MMP26: variants seen among roughly 807,000 people sequenced by gnomAD.
The protein encoded by MMP26 is matrix metalloproteinase-26.
In MMP26, 33 loss-of-function variants were observed where a neutral mutation model predicts 31.0. The ratio of observed to expected loss-of-function variants is 1.06; its 90% CI spans 0.81 to 1.42. MMP26 has a LOEUF of 1.42. Ranked by LOEUF, MMP26 falls within the 40% of genes most tolerant of loss-of-function variation. The pLI, the probability that MMP26 is intolerant of heterozygous loss-of-function variation, is 0.00. For missense variants in MMP26, 347 were observed against 316.1 expected (o/e 1.10, Z -0.74); for synonymous variants, 122 against 114.9 (o/e 1.06, Z -0.40).
At chr11:4,714,920 TCACA>T (rs66913726) in intron 1 of MMP26, among the ~76,000 whole-genome samples, 19,844 of 141,320 alleles carry the variant, frequency 0.14, 1,588 homozygotes, top group Middle Eastern at 0.23. Context: ...TCTCTCTCTC[TCACA>T]CACACACACA....
chr11:4,885,194 A>G (rs1850531295), intron 2 of MMP26, among the ~76,000 whole-genome samples: 1 of 152,144 alleles, frequency 6.6e-6, no homozygotes, highest in South Asian at 2.1e-4. Context: ...AATGTATTTT[A>G]TATATTTGGA....
At chr11:4,970,725 C>T (rs932609069) in intron 2 of MMP26, among the ~76,000 whole-genome samples, 7 of 152,100 alleles carry the variant, frequency 4.6e-5, no homozygotes, top group Admixed American at 4.6e-4. Flanking sequence ...GTCCTTGAAC[C>T]CTTGGGAGTG....
intron 2 of MMP26, among the ~76,000 whole-genome samples, chr11:4,890,933 T>A (rs1850609542): frequency 6.7e-6 from 1 of 149,574 alleles, no homozygotes; most frequent in Non-Finnish European, 1.5e-5. Flanking sequence ...TTGTATAGAG[T>A]CAGAATGGAC....
At chr11:4,944,147 C>T in intron 2 of MMP26, 1 of 454,602 alleles carries the variant, frequency 2.2e-6, no homozygotes, top group Non-Finnish European at 4.4e-6. Flanking sequence ...TTATGCACCT[C>T]AAACATAGGA....
chr11:4,804,450 G>T lies in MMP26; in HGVS notation c.-145+37109G>T, dbSNP rs776757410. 2.8e-5 allele frequency: 34 copies of T among 1,216,368 alleles called. No individual in the cohort carries two copies. The South Asian group carries it at 3.8e-4, about 13-fold the overall frequency. The allele number at this position is 1,216,368 out of a possible 1,614,324, so 75.3% of individuals were successfully genotyped here. Reference sequence around the variant, plus strand: ...GCAGATGATAACAATCAAAACAAGTGTTATTATTATATACAAGGCTTTTGG... The same window carrying T: ...GCAGATGATAACAATCAAAACAAGTTTTATTATTATATACAAGGCTTTTGG... On this transcript the variant is annotated intron_variant, in intron 2 of 7. Coordinates refer to ENST00000380390, the MANE Select transcript of MMP26 (RefSeq NM_021801.5).
At chr11:4,778,668 T>C (rs1848820292) in intron 2 of MMP26, among the ~76,000 whole-genome samples, 1 of 152,070 alleles carries the variant, frequency 6.6e-6, no homozygotes, top group African/African-American at 2.4e-5. Context: ...AAAATGTTGA[T>C]TTGGGATTAC....
intron 1 of MMP26, among the ~76,000 whole-genome samples, chr11:4,706,685 A>G (rs1266562634): frequency 6.6e-6 from 1 of 152,158 alleles, no homozygotes; most frequent in Non-Finnish European, 1.5e-5. Flanking sequence ...TGTTAACTAT[A>G]AGTAAAATGT....
At position 4,811,035 on chromosome 11, in the gene MMP26, A is replaced by G. The variant is rs992371855; in HGVS notation, c.-145+43694A>G. On this transcript the variant is annotated intron_variant, in intron 2 of 7. Coordinates refer to ENST00000380390, the MANE Select transcript of MMP26 (RefSeq NM_021801.5). ...GATAGATGGTAATGATCAAGGTCACAAAGGTCATCATTTTTCATCTATCAG... is the reference window on the plus strand; with the variant it reads ...GATAGATGGTAATGATCAAGGTCACGAAGGTCATCATTTTTCATCTATCAG... Among the ~76,000 whole-genome samples the G allele has an allele frequency of 2.0e-5, 3 of 152,320 alleles. No homozygotes were observed. The East Asian group carries it at 5.8e-4, about 29-fold the overall frequency.
At chr11:4,833,701 C>T (rs761157690) in intron 2 of MMP26, among the ~76,000 whole-genome samples, 4 of 152,102 alleles carry the variant, frequency 2.6e-5, no homozygotes, top group Non-Finnish European at 5.9e-5. Context: ...TTAAGGAACA[C>T]TTTTCTTGGG....
chr11:4,771,719 G>C (rs866646681), intron 2 of MMP26, among the ~76,000 whole-genome samples: 1 of 152,138 alleles, frequency 6.6e-6, no homozygotes, highest in Admixed American at 6.6e-5. Context: ...ACAAGTTACT[G>C]TTCCCTTTAT....
chr11:4,855,282 G>T (rs1034717632), intron 2 of MMP26, among the ~76,000 whole-genome samples: 1 of 152,140 alleles, frequency 6.6e-6, no homozygotes, highest in Non-Finnish European at 1.5e-5. Context: ...TGAGCTAAAG[G>T]AGGATGTTTG....
intron 2 of MMP26, chr11:4,915,122 T>C: frequency 6.2e-7 from 1 of 1,613,980 alleles, no homozygotes; most frequent in Non-Finnish European, 8.5e-7. Context: ...ACAATAAGAA[T>C]GTGAGAGAAC....
chr11:4,854,804 A>T (rs1336391874), intron 2 of MMP26, among the ~76,000 whole-genome samples: 1 of 152,204 alleles, frequency 6.6e-6, no homozygotes, highest in Non-Finnish European at 1.5e-5. Context: ...TAACTGGGAG[A>T]CATCCCCCAG....
intron 2 of MMP26, among the ~76,000 whole-genome samples, chr11:4,917,596 T>G (rs1045132137): frequency 6.6e-6 from 1 of 152,204 alleles, no homozygotes. Context: ...GAAGATCATA[T>G]AGGCTCTCAC....
chr11:4,904,039 A>G (rs188162991), intron 2 of MMP26, among the ~76,000 whole-genome samples: 6 of 152,218 alleles, frequency 3.9e-5, no homozygotes, highest in Admixed American at 1.3e-4. Flanking sequence ...AATAAAAGCA[A>G]GCCTTATTGT....
chr11:4,917,967 A>G (rs1052607431), intron 2 of MMP26, among the ~76,000 whole-genome samples: 4 of 150,934 alleles, frequency 2.7e-5, no homozygotes, highest in African/African-American at 9.7e-5. Flanking sequence ...GGCGGAAAAT[A>G]TTTTTGACAT....
intron 2 of MMP26, among the ~76,000 whole-genome samples, chr11:4,971,003 C>G (rs1036730597): frequency 1.3e-5 from 2 of 152,122 alleles, no homozygotes; most frequent in Non-Finnish European, 1.5e-5. Flanking sequence ...TTTCAATTGA[C>G]TGAGAAATTC....
At chr11:4,803,909 A>T (rs1849223116) in intron 2 of MMP26, 1 of 1,613,058 alleles carries the variant, frequency 6.2e-7, no homozygotes, top group African/African-American at 1.3e-5. Flanking sequence ...GGGCTCACCC[A>T]CAGCAGCCCT....
At chr11:4,850,675 T>G (rs1849962673) in intron 2 of MMP26, among the ~76,000 whole-genome samples, 1 of 151,960 alleles carries the variant, frequency 6.6e-6, no homozygotes, top group African/African-American at 2.4e-5. Context: ...CCCTAAACAT[T>G]TATTACAAAA....
Sources: gnomAD v4.1 joint callset for allele counts (sites outside exome capture counted in the v4.1 genomes callset) on GRCh38, gnomAD v4.1.1 for gene constraint, MANE v1.5 for transcripts, NCBI Gene and HGNC (gene_info 2026-07-23, HGNC 2026-07-21) for gene names.